Variants in MECOM observed in about 807,000 individuals in gnomAD.
The protein encoded by MECOM is MDS1 and EVI1 complex locus.
MECOM carries 13 observed loss-of-function variants against 116.3 expected under a neutral mutation model. The ratio of observed to expected loss-of-function variants is 0.11; its 90% CI spans 0.07 to 0.18. The LOEUF is 0.18. Ranked by LOEUF, MECOM falls within the 10% of genes least tolerant of loss-of-function variation. The pLI is 1.00. For missense variants in MECOM, 1,299 were observed against 1,509.0 expected, an observed-to-expected ratio of 0.86 and a Z score of 2.31; for synonymous variants, 528 against 535.2, an observed-to-expected ratio of 0.99 and a Z score of 0.19.
intron 2 of MECOM, among the ~76,000 whole-genome samples, chr3:169,291,789 T>G (rs931879651): frequency 1.3e-5 from 2 of 152,216 alleles, no homozygotes; most frequent in South Asian, 4.1e-4. Context: ...AGTATGGAGA[T>G]AGCTACTCTG....
At chr3:169,132,261 T>C (rs1287184454) in intron 3 of MECOM, among the ~76,000 whole-genome samples, 1 of 152,166 alleles carries the variant, frequency 6.6e-6, no homozygotes, top group Non-Finnish European at 1.5e-5. Flanking sequence ...AATAAATCTG[T>C]TAATGACTGA....
intron 1 of MECOM, among the ~76,000 whole-genome samples, chr3:169,478,992 T>C (rs1197355861): frequency 6.6e-6 from 1 of 152,160 alleles, no homozygotes; most frequent in Non-Finnish European, 1.5e-5. Flanking sequence ...AAATATTTGT[T>C]GATCACCTAT....
intron 2 of MECOM, among the ~76,000 whole-genome samples, chr3:169,213,186 C>T (rs1300646196): frequency 3.3e-5 from 5 of 151,942 alleles, no homozygotes; most frequent in African/African-American, 4.8e-5. Flanking sequence ...ATAGTTATCT[C>T]TCTTCTTTAT....
intron 2 of MECOM, among the ~76,000 whole-genome samples, chr3:169,268,866 GTGTT>G (rs1480734612): frequency 6.6e-6 from 1 of 152,074 alleles, no homozygotes; most frequent in African/African-American, 2.4e-5. Flanking sequence ...CACAGACCCA[GTGTT>G]TGTTTAAGAG....
intron 2 of MECOM, among the ~76,000 whole-genome samples, chr3:169,250,387 T>G (rs1756112229): frequency 6.6e-6 from 1 of 152,208 alleles, no homozygotes; most frequent in Non-Finnish European, 1.5e-5. Context: ...ATTTGTTAAC[T>G]GTAACTTCTC....
rs796390141 is a variant in MECOM, at chr3:169,158,286, T to C, written c.376-14454A>G. On this transcript the variant is annotated intron_variant, in intron 2 of 16. Coordinates refer to ENST00000651503, the MANE Select transcript of MECOM (RefSeq NM_004991.4). Reference sequence around the variant, plus strand: ...TTGGAAGATTTCAAGAAGGTCATTATAAAAGTCTTCATAAAATATATTTTG... The same window carrying C: ...TTGGAAGATTTCAAGAAGGTCATTACAAAAGTCTTCATAAAATATATTTTG... Among the ~76,000 whole-genome samples, 96 of 152,316 alleles carry C rather than the reference T, an allele frequency of 6.3e-4. 1 individual carries two copies. The highest frequency in any genetic ancestry group is 2.3e-3 in the African/African-American group (95 of 41,580).
chr3:169,188,848 G>A (rs1441704050), intron 2 of MECOM, among the ~76,000 whole-genome samples: 3 of 152,080 alleles, frequency 2.0e-5, no homozygotes, highest in Admixed American at 6.6e-5. Flanking sequence ...CCAAGCTGCT[G>A]CAAGTTGAAA....
intron 1 of MECOM, 50 bp downstream of exon 1, chr3:169,663,286 A>C: frequency 6.3e-7 from 1 of 1,578,220 alleles, no homozygotes. Flanking sequence ...CAGATATGCA[A>C]GATGGCAGAG....
chr3:169,289,936 C>T (rs1482167956), intron 2 of MECOM, among the ~76,000 whole-genome samples: 1 of 152,142 alleles, frequency 6.6e-6, no homozygotes, highest in African/African-American at 2.4e-5. Context: ...GGTGAGCCCA[C>T]CTCTGGGACA....
chr3:169,128,583 A>G (rs927253448), intron 4 of MECOM, among the ~76,000 whole-genome samples: 7 of 147,516 alleles, frequency 4.7e-5, no homozygotes, highest in Admixed American at 3.4e-4. Context: ...TGGAAAGAAC[A>G]TGGGACACAG....
chr3:169,447,850 G>A (rs1320846690), intron 1 of MECOM: 3 of 152,264 alleles, frequency 2.0e-5, no homozygotes, highest in African/African-American at 4.8e-5. Context: ...AAGCACAAAT[G>A]TGACCTACAA....
chr3:169,167,189 G>A (rs1377296850), intron 2 of MECOM, among the ~76,000 whole-genome samples: 2 of 152,102 alleles, frequency 1.3e-5, no homozygotes, highest in African/African-American at 4.8e-5. Context: ...TGTTGCCTAG[G>A]TTGTTATTTA....
chr3:169,201,888 A>T (rs1250028762), intron 2 of MECOM, among the ~76,000 whole-genome samples: 4 of 151,920 alleles, frequency 2.6e-5, no homozygotes, highest in African/African-American at 9.7e-5. Context: ...TTTCCTTCCT[A>T]CTGGATTTTT....
chr3:169,533,845 A>G (rs944111983), intron 1 of MECOM, among the ~76,000 whole-genome samples: 1 of 152,124 alleles, frequency 6.6e-6, no homozygotes, highest in Non-Finnish European at 1.5e-5. Context: ...AATTTTCTTT[A>G]GAGTCTAAGA....
chr3:169,548,190 C>CAA (rs879720168), intron 1 of MECOM, among the ~76,000 whole-genome samples: 1 of 150,432 alleles, frequency 6.6e-6, no homozygotes, highest in East Asian at 1.9e-4. Context: ...CACACACACA[C>CAA]AAAAAAAAAG....
chr3:169,240,259 CAA>C (rs1165969277), intron 2 of MECOM, among the ~76,000 whole-genome samples: 2 of 152,160 alleles, frequency 1.3e-5, no homozygotes, highest in Non-Finnish European at 2.9e-5. Context: ...CAATTAAAGT[CAA>C]AAGAGTATGA....
rs536526064 is a variant in MECOM, at chr3:169,456,305, G to A, written c.38-74781C>T. 2.0e-5 allele frequency among the ~76,000 whole-genome samples: 3 copies of A among 152,252 alleles called. No homozygotes were observed. The South Asian group carries it at 6.2e-4, about 32-fold the overall frequency. ...TCCTTGCATTGTACAATATAGAGATGGGGGGATTTCAGTGAAAGTGATCAT... is the reference window on the plus strand; with the variant it reads ...TCCTTGCATTGTACAATATAGAGATAGGGGGATTTCAGTGAAAGTGATCAT... On this transcript the variant is annotated intron_variant, in intron 1 of 16. Transcript: ENST00000651503.
intron 2 of MECOM, among the ~76,000 whole-genome samples, chr3:169,183,817 CACAT>C (rs1351183208): frequency 7.8e-4 from 30 of 38,556 alleles, no homozygotes; most frequent in African/African-American, 2.1e-3. Context: ...CACACACACA[CACAT>C]ATATATATAT....
At chr3:169,392,583 G>A (rs1160757362) in intron 1 of MECOM, among the ~76,000 whole-genome samples, 1 of 152,122 alleles carries the variant, frequency 6.6e-6, no homozygotes, top group African/African-American at 2.4e-5. Context: ...AAGATAAAAT[G>A]TCTGCCCTCA....
Sources: gnomAD v4.1 joint callset for allele counts (sites outside exome capture counted in the v4.1 genomes callset) on GRCh38, gnomAD v4.1.1 for gene constraint, MANE v1.5 for transcripts, NCBI Gene and HGNC (gene_info 2026-07-23, HGNC 2026-07-21) for gene names.